Variants in GDA observed in about 807,000 individuals in gnomAD.
The protein encoded by GDA is cytoplasmic PSD-95 interactor.
In GDA, 18 loss-of-function variants were observed where a neutral mutation model predicts 59.6. That is an observed-to-expected ratio of 0.30 (90% confidence interval 0.21 to 0.45). The LOEUF (loss-of-function observed/expected upper bound fraction) is 0.45, where lower values mean the gene tolerates loss of function less well. Ranked by LOEUF, GDA falls within the 20% of genes least tolerant of loss-of-function variation. GDA has a pLI of 1.00. For missense variants in GDA, 427 were observed against 552.3 expected (o/e 0.77, Z 2.27); for synonymous variants, 201 against 201.1 (o/e 1.00, Z 0.00).
intron 1 of GDA, among the ~76,000 whole-genome samples, chr9:72,165,700 C>G (rs1829212743): frequency 6.6e-6 from 1 of 152,020 alleles, no homozygotes; most frequent in Admixed American, 6.5e-5. Context: ...GAGTTCAAGA[C>G]CAGCCTGGCC....
At chr9:72,214,074 A>G in intron 5 of GDA, 83 bp downstream of exon 5, 1 of 799,740 alleles carries the variant, frequency 1.3e-6, no homozygotes, top group Non-Finnish European at 2.2e-6. Context: ...AAAAGGAAAC[A>G]GGATACTGTT....
intron 10 of GDA, among the ~76,000 whole-genome samples, chr9:72,240,911 A>G (rs539741179): frequency 3.0e-4 from 46 of 152,328 alleles, no homozygotes; most frequent in African/African-American, 1.1e-3. Context: ...TTTAAGCTAG[A>G]AAATTTGTGA....
chr9:72,203,143 A>G (rs1834223365), intron 3 of GDA, among the ~76,000 whole-genome samples: 1 of 152,244 alleles, frequency 6.6e-6, no homozygotes, highest in Admixed American at 6.5e-5. Context: ...TGTAAAAAAT[A>G]GAGATCATGA....
intron 1 of GDA, among the ~76,000 whole-genome samples, chr9:72,117,683 C>T (rs1172738126): frequency 6.6e-6 from 1 of 152,208 alleles, no homozygotes; most frequent in Non-Finnish European, 1.5e-5. Context: ...CCTCATCTCA[C>T]TGGTTAAAAT....
intron 3 of GDA, among the ~76,000 whole-genome samples, chr9:72,203,512 CA>C (rs1834279963): frequency 6.6e-6 from 1 of 152,176 alleles, no homozygotes; most frequent in South Asian, 2.1e-4. Context: ...TCAGGAAAAT[CA>C]GTTCCTTTCT....
intron 8 of GDA, 21 bp downstream of exon 8, chr9:72,225,805 TA>T: frequency 2.2e-6 from 2 of 921,786 alleles, no homozygotes; most frequent in Non-Finnish European, 3.5e-6. Context: ...TATCATGACA[TA>T]ATCTGTTTAA....
chr9:72,176,147 T>G (rs1176680872), intron 1 of GDA, among the ~76,000 whole-genome samples: 1 of 152,186 alleles, frequency 6.6e-6, no homozygotes, highest in African/African-American at 2.4e-5. Context: ...GGTTGTAGGA[T>G]CCACTTCTGA....
Position 72,166,491 on chromosome 9 carries a change from C to T in GDA, c.123+16809C>T, listed in dbSNP as rs73484249. On this transcript the variant is annotated intron_variant, in intron 1 of 13. Transcript: ENST00000358399. ...GCAGCTAGATAGAAGTTATCAACAA[C>T]GTATTCTACATTTCAAAGTAGCTAG... is the stretch of plus-strand genomic sequence containing the variant. Among the ~76,000 whole-genome samples the T allele has an allele frequency of 6.3e-3, 956 of 152,086 alleles. 10 individuals carry two copies. The highest frequency in any genetic ancestry group is 0.022 in the African/African-American group (903 of 41,474).
At chr9:72,198,171 G>A (rs958049512) in intron 2 of GDA, among the ~76,000 whole-genome samples, 1 of 150,550 alleles carries the variant, frequency 6.6e-6, no homozygotes, top group Non-Finnish European at 1.5e-5. Context: ...GAGGCAGGCG[G>A]ATCACTTGAG....
At chr9:72,227,540 A>G (rs1252453216) in intron 8 of GDA, among the ~76,000 whole-genome samples, 4 of 151,580 alleles carry the variant, frequency 2.6e-5, no homozygotes, top group Admixed American at 2.6e-4. Context: ...GAATTGGAGC[A>G]AGCACAACAC....
intron 1 of GDA, among the ~76,000 whole-genome samples, chr9:72,118,273 C>CAAAAA (rs373179585): frequency 0.033 from 2,136 of 65,690 alleles, 285 homozygotes; most frequent in African/African-American, 0.13. Context: ...GACTCCACCT[C>CAAAAA]AAAAAAAAAA....
chr9:72,197,920 G>T (rs1833399531), intron 2 of GDA, among the ~76,000 whole-genome samples: 1 of 152,074 alleles, frequency 6.6e-6, no homozygotes, highest in African/African-American at 2.4e-5. Context: ...GAGTACCATG[G>T]GCAGTGCTGT....
chr9:72,246,301 C>A (rs1840133903), intron 12 of GDA, among the ~76,000 whole-genome samples: 1 of 152,184 alleles, frequency 6.6e-6, no homozygotes, highest in Non-Finnish European at 1.5e-5. Flanking sequence ...GCGCCCACCA[C>A]CACACCCACC....
intron 1 of GDA, among the ~76,000 whole-genome samples, chr9:72,122,662 C>CAG (rs1205279004): frequency 2.0e-5 from 3 of 151,654 alleles, no homozygotes; most frequent in Non-Finnish European, 2.9e-5. Context: ...CACACACACA[C>CAG]ACAGACACCT....
chr9:72,239,057 G>C (rs1188034224), intron 10 of GDA, among the ~76,000 whole-genome samples: 2 of 152,116 alleles, frequency 1.3e-5, no homozygotes, highest in African/African-American at 2.4e-5. Context: ...ATATGACAAA[G>C]TAGGGATTCC....
At chr9:72,259,519 C>T (rs545504773), downstream of GDA, among the ~76,000 whole-genome samples, 309 of 152,196 alleles carry the variant, frequency 2.0e-3, 1 homozygote, top group African/African-American at 7.1e-3. Context: ...AGCAGTGGTG[C>T]CTTTTGAAGC....
At position 72,172,863 on chromosome 9, in the gene GDA, CATTT is replaced by C. The variant is rs371990645; in HGVS notation, c.124-22632_124-22629del. On this transcript the variant is annotated intron_variant, in intron 1 of 13. Coordinates refer to ENST00000358399, the MANE Select transcript of GDA (RefSeq NM_004293.5). Reference sequence around the variant, plus strand: ...TCCTTCCTTCCAACCCTCCTGTAAACATTTATTTGAGTGCCTTTATATGTCTAGC... The same window carrying C: ...TCCTTCCTTCCAACCCTCCTGTAAACATTTGAGTGCCTTTATATGTCTAGC... Among the ~76,000 whole-genome samples, 20 of 152,220 alleles carry C rather than the reference CATTT, an allele frequency of 1.3e-4. No homozygotes were observed. In the East Asian group the frequency reaches 3.5e-3, roughly 26 times the overall value.
At chr9:72,149,337 A>C, upstream of GDA, 1 of 543,610 alleles carries the variant, frequency 1.8e-6, no homozygotes, top group Non-Finnish European at 3.2e-6. Context: ...GGGAGCGCGG[A>C]GCCAACTCGC....
intron 1 of GDA, among the ~76,000 whole-genome samples, chr9:72,141,565 A>G (rs1826441861): frequency 6.6e-6 from 1 of 152,070 alleles, no homozygotes; most frequent in South Asian, 2.1e-4. Context: ...ATTGTGTAGC[A>G]TCTGTAGGGA....
Sources: allele counts gnomAD v4.1 joint callset (sites outside exome capture counted in the v4.1 genomes callset), GRCh38; gene constraint gnomAD v4.1.1; transcripts MANE v1.5; gene names NCBI Gene and HGNC (gene_info 2026-07-23, HGNC 2026-07-21).